Variants in ENTPD1 observed in about 807,000 individuals in gnomAD.
ENTPD1 encodes ectonucleoside triphosphate diphosphohydrolase 1.
In ENTPD1, 33 loss-of-function variants were observed where a neutral mutation model predicts 57.0. The observed-to-expected ratio is 0.58, with a 90% confidence interval of 0.44 to 0.77. The LOEUF (loss-of-function observed/expected upper bound fraction) is 0.77. Ranked by LOEUF, ENTPD1 falls within the 30% of genes least tolerant of loss-of-function variation. The pLI is 0.00. For missense variants in ENTPD1, 501 were observed against 603.4 expected (o/e 0.83, Z 1.78); for synonymous variants, 202 against 218.8 (o/e 0.92, Z 0.68).
intron 7 of ENTPD1, among the ~76,000 whole-genome samples, chr10:95,849,227 T>C (rs2098440748): frequency 6.6e-6 from 1 of 152,238 alleles, no homozygotes; most frequent in Admixed American, 6.5e-5. Context: ...TTCAAATTTC[T>C]TATTTTGGTC....
chr10:95,744,199 C>A (rs895335494), intron 1 of ENTPD1, among the ~76,000 whole-genome samples: 1 of 151,806 alleles, frequency 6.6e-6, no homozygotes, highest in Non-Finnish European at 1.5e-5. Context: ...AAGCCTGACT[C>A]CTATTGTCTG....
chr10:95,762,209 CAAA>C (rs59588135), intron 1 of ENTPD1, among the ~76,000 whole-genome samples: 1 of 78,488 alleles, frequency 1.3e-5, no homozygotes, highest in Non-Finnish European at 3.0e-5. Flanking sequence ...TAAAAAGAAG[CAAA>C]AAAAAAAAAA....
intron 2 of ENTPD1, among the ~76,000 whole-genome samples, chr10:95,829,488 T>G (rs1042970147): frequency 2.0e-5 from 3 of 152,026 alleles, no homozygotes; most frequent in African/African-American, 7.2e-5. Context: ...TGGGCAGAAA[T>G]AGAGAGATAA....
intron 1 of ENTPD1, among the ~76,000 whole-genome samples, chr10:95,731,837 C>G (rs146831511): frequency 7.9e-6 from 1 of 126,240 alleles, no homozygotes; most frequent in East Asian, 2.5e-4. Context: ...GGCTGGAATA[C>G]AGTGGTGTGA....
intron 2 of ENTPD1, among the ~76,000 whole-genome samples, chr10:95,837,956 T>TCACA (rs142329357): frequency 0.16 from 22,890 of 146,762 alleles, 2,006 homozygotes; most frequent in South Asian, 0.28. Context: ...GTAGGGAGAT[T>TCACA]CACACACACA....
chr10:95,819,010 C>CT (rs957123560), intron 1 of ENTPD1, among the ~76,000 whole-genome samples: 2 of 152,046 alleles, frequency 1.3e-5, no homozygotes, highest in East Asian at 1.9e-4. Context: ...CAAAGCAAAA[C>CT]TTTTTTTTGC....
chr10:95,850,500 C>A (rs985630310), intron 7 of ENTPD1, among the ~76,000 whole-genome samples: 1 of 152,102 alleles, frequency 6.6e-6, no homozygotes, highest in Non-Finnish European at 1.5e-5. Flanking sequence ...TGTCCAACAA[C>A]CAACTCTCGG....
At chr10:95,735,146 C>A (rs563506697) in intron 1 of ENTPD1, among the ~76,000 whole-genome samples, 1 of 151,568 alleles carries the variant, frequency 6.6e-6, no homozygotes, top group East Asian at 1.9e-4. Flanking sequence ...ATTCTCTTGC[C>A]TCAGCCTCCT....
At position 95,821,186 on chromosome 10, in the gene ENTPD1, C is replaced by T. The variant is rs191147481; in HGVS notation, c.17-2051C>T. Among the ~76,000 whole-genome samples, 316 of 152,282 alleles carry T rather than the reference C, an allele frequency of 2.1e-3. 3 individuals carry two copies. The highest frequency in any genetic ancestry group is 5.7e-3 in the African/African-American group (235 of 41,560). The stretch of plus-strand genomic sequence containing the variant: ...GAGGGTTCTTTTCCAGATTCCAGAA[C>T]ACTGGCATCAAAGAGGACATCTCTC... On this transcript the variant is annotated intron_variant, in intron 1 of 9. Coordinates refer to ENST00000371205, the MANE Select transcript of ENTPD1 (RefSeq NM_001776.6).
intron 1 of ENTPD1, among the ~76,000 whole-genome samples, chr10:95,799,118 C>T (rs1306197141): frequency 1.3e-5 from 2 of 152,090 alleles, no homozygotes; most frequent in East Asian, 1.9e-4. Context: ...GGCATAATAC[C>T]CATTTAGGGA....
At chr10:95,849,415 C>G (rs1355655865) in intron 7 of ENTPD1, among the ~76,000 whole-genome samples, 1 of 152,126 alleles carries the variant, frequency 6.6e-6, no homozygotes, top group East Asian at 1.9e-4. Context: ...TTTCAGAAAA[C>G]AGATCAGCAT....
chr10:95,844,837 G>A (rs2098431098), intron 5 of ENTPD1: 2 of 686,476 alleles, frequency 2.9e-6, no homozygotes, highest in East Asian at 5.6e-5. Flanking sequence ...TCTACTATTG[G>A]GAGAATAAGG....
the ENTPD1 span, among the ~76,000 whole-genome samples, chr10:95,697,647 C>A: frequency 6.6e-6 from 1 of 152,174 alleles, no homozygotes; most frequent in South Asian, 2.1e-4. Flanking sequence ...TTAACACGCT[C>A]AGCTTCCTCA....
chr10:95,801,865 G>A (rs1317581522), intron 1 of ENTPD1, among the ~76,000 whole-genome samples: 1 of 152,182 alleles, frequency 6.6e-6, no homozygotes, highest in African/African-American at 2.4e-5. Context: ...GTTCTGTGAA[G>A]AATCTCAATG....
intron 1 of ENTPD1, among the ~76,000 whole-genome samples, chr10:95,739,541 G>A (rs1337690296): frequency 6.6e-6 from 1 of 152,170 alleles, no homozygotes; most frequent in African/African-American, 2.4e-5. Flanking sequence ...TTTGTATCAT[G>A]AGATGTAGCA....
intron 1 of ENTPD1, among the ~76,000 whole-genome samples, chr10:95,766,876 T>C (rs1300850383): frequency 6.6e-6 from 1 of 151,470 alleles, no homozygotes; most frequent in African/African-American, 2.4e-5. Flanking sequence ...ATTGTACTTG[T>C]AGCAATCTTT....
chr10:95,700,632 G>A, the ENTPD1 span, among the ~76,000 whole-genome samples: 1 of 152,094 alleles, frequency 6.6e-6, no homozygotes, highest in East Asian at 1.9e-4. Context: ...AGGTTATAGT[G>A]ACCTGTGATC....
chr10:95,762,979 T>C (rs1371556381), intron 1 of ENTPD1, among the ~76,000 whole-genome samples: 3 of 152,220 alleles, frequency 2.0e-5, no homozygotes, highest in Non-Finnish European at 4.4e-5. Flanking sequence ...CTGTTTATTA[T>C]AATACTTATT....
chr10:95,729,809 C>G (rs775238477), intron 1 of ENTPD1, among the ~76,000 whole-genome samples: 6 of 152,154 alleles, frequency 3.9e-5, no homozygotes, highest in Non-Finnish European at 8.8e-5. Context: ...AAACTTTATT[C>G]CAGCCAAAAG....
Sources: gnomAD v4.1 joint callset for allele counts (sites outside exome capture counted in the v4.1 genomes callset) on GRCh38, gnomAD v4.1.1 for gene constraint, MANE v1.5 for transcripts, NCBI Gene and HGNC (gene_info 2026-07-23, HGNC 2026-07-21) for gene names.